Variants in SLC22A15 observed in about 807,000 individuals in gnomAD.
SLC22A15 encodes flipt 1.
SLC22A15 carries 45 observed loss-of-function variants against 62.7 expected under a neutral mutation model. The observed-to-expected ratio is 0.72, with a 90% CI of 0.56 to 0.92. The LOEUF (loss-of-function observed/expected upper bound fraction) is 0.92. SLC22A15 is among the 40% of genes least tolerant of loss of function. The probability of loss-of-function intolerance (pLI) is 0.00; values close to 1 mark genes in which losing one functional copy is unlikely to be tolerated. For missense variants in SLC22A15, 622 were observed against 665.6 expected (o/e 0.93, Z 0.72); for synonymous variants, 264 against 267.0 (o/e 0.99, Z 0.11).
rs1658353309 is a variant in SLC22A15, at chr1:116,060,464, C to T, written c.1172-2298C>T. Among the ~76,000 whole-genome samples the T allele has an allele frequency of 2.0e-5, 3 of 152,158 alleles. No homozygotes were observed. The South Asian group carries it at 6.2e-4, about 32-fold the overall frequency. On this transcript the variant is annotated intron_variant, in intron 8 of 11. Coordinates refer to ENST00000369503, the MANE Select transcript of SLC22A15 (RefSeq NM_018420.3). Reference sequence around the variant, plus strand: ...GGATCTTGTGGGTATTAAGAAGATACACTTTCTGTGACACACCCTTGGAAT... The same window carrying T: ...GGATCTTGTGGGTATTAAGAAGATATACTTTCTGTGACACACCCTTGGAAT...
intron 8 of SLC22A15, among the ~76,000 whole-genome samples, chr1:116,050,711 A>G (rs1658030354): frequency 6.6e-6 from 1 of 152,198 alleles, no homozygotes; most frequent in Non-Finnish European, 1.5e-5. Context: ...TAGTACTGGA[A>G]GTCCTAACCA....
intron 4 of SLC22A15, among the ~76,000 whole-genome samples, chr1:116,022,191 A>T (rs1428351710): frequency 6.6e-6 from 1 of 152,144 alleles, no homozygotes; most frequent in Admixed American, 6.5e-5. Flanking sequence ...TTGCCTTAGG[A>T]TTCACCTTGT....
At position 115,999,642 on chromosome 1, in the gene SLC22A15, T is replaced by C. The variant is rs1213733641; in HGVS notation, c.300+7399T>C. On this transcript the variant is annotated intron_variant, in intron 2 of 11. Transcript: ENST00000369503. ...CCTCAGCCTCCCGAGTAGCTGGGAC[T>C]AAAGGTGTGTGCTACCATGCCCAGC... 1.9e-4 allele frequency among the ~76,000 whole-genome samples: 29 copies of C among 151,902 alleles called. 1 individual carries two copies. Among genetic ancestry groups the C allele is most frequent in the Admixed American group, 1.9e-3 (29 of 15,256 alleles).
chr1:116,031,611 C>T, intron 6 of SLC22A15, 30 bp downstream of exon 6: 1 of 1,609,790 alleles, frequency 6.2e-7, no homozygotes, highest in Non-Finnish European at 8.5e-7. Context: ...TTCTGTTGCT[C>T]TTTAACTAAG....
At chr1:116,013,258 C>T (rs1239638981) in intron 2 of SLC22A15, among the ~76,000 whole-genome samples, 1 of 152,196 alleles carries the variant, frequency 6.6e-6, no homozygotes, top group Non-Finnish European at 1.5e-5. Context: ...CCATAACCCT[C>T]ACTTCATGCT....
intron 8 of SLC22A15, among the ~76,000 whole-genome samples, chr1:116,043,816 T>G (rs1657855261): frequency 6.6e-6 from 1 of 152,168 alleles, no homozygotes; most frequent in African/African-American, 2.4e-5. Context: ...TAAGGGAATA[T>G]TATGAACATT....
chr1:116,044,484 C>T (rs552563198), intron 8 of SLC22A15, among the ~76,000 whole-genome samples: 1 of 152,210 alleles, frequency 6.6e-6, no homozygotes, highest in South Asian at 2.1e-4. Context: ...AGGAGAAAGG[C>T]CAGGATGTCC....
chr1:116,067,213 C>CTCAA lies in SLC22A15; in HGVS notation c.*106_*107insCAAT. The CTCAA allele has an allele frequency of 1.2e-6, 1 of 825,660 alleles. No homozygotes were observed. Among genetic ancestry groups the CTCAA allele is most frequent in the Non-Finnish European group, 2.0e-6 (1 of 501,260 alleles). 51.1% of individuals were successfully genotyped at this position (825,660 alleles called of 1,614,324 possible). ...GAGAGTTGTAAAAATAGAGGCTTGG[C>CTCAA]TTGAATGTACATAGATGGTACCTGG... On this transcript the variant is annotated 3_prime_UTR_variant, in exon 12 of 12. Coordinates refer to ENST00000369503, the MANE Select transcript of SLC22A15 (RefSeq NM_018420.3).
At chr1:116,053,666 T>C (rs1359821914) in intron 8 of SLC22A15, among the ~76,000 whole-genome samples, 1 of 152,156 alleles carries the variant, frequency 6.6e-6, no homozygotes, top group African/African-American at 2.4e-5. Context: ...AAGGTTGGGT[T>C]ACCCACAAAG....
At chr1:116,060,268 A>G (rs1658346335) in intron 8 of SLC22A15, among the ~76,000 whole-genome samples, 1 of 152,220 alleles carries the variant, frequency 6.6e-6, no homozygotes, top group African/African-American at 2.4e-5. Context: ...CCCTGGTTTA[A>G]ATGGCAACTG....
chr1:116,011,629 G>A (rs1236832660), intron 2 of SLC22A15, among the ~76,000 whole-genome samples: 1 of 152,176 alleles, frequency 6.6e-6, no homozygotes, highest in Admixed American at 6.5e-5. Context: ...AGCATCATAG[G>A]GGAGAGACAA....
intron 3 of SLC22A15, 88 bp downstream of exon 3, chr1:116,019,802 G>T: frequency 7.2e-7 from 1 of 1,385,016 alleles, no homozygotes; most frequent in Non-Finnish European, 9.7e-7. Flanking sequence ...ATTTCCTTAA[G>T]GTTCTCCGGG....
chr1:116,034,985 A>AC (rs1657578315), intron 6 of SLC22A15, among the ~76,000 whole-genome samples: 1 of 152,118 alleles, frequency 6.6e-6, no homozygotes, highest in African/African-American at 2.4e-5. Flanking sequence ...TTATTTCCAA[A>AC]CCCCCATAAT....
At chr1:115,987,146 G>T (rs991445278) in intron 1 of SLC22A15, among the ~76,000 whole-genome samples, 1 of 151,902 alleles carries the variant, frequency 6.6e-6, no homozygotes, top group African/African-American at 2.4e-5. Flanking sequence ...GATTGATCTG[G>T]TGTCATAATG....
At chr1:116,014,958 A>AT (rs1475411384) in intron 2 of SLC22A15, among the ~76,000 whole-genome samples, 1 of 152,180 alleles carries the variant, frequency 6.6e-6, no homozygotes, top group Non-Finnish European at 1.5e-5. Context: ...ACGCCAGTAC[A>AT]TTTTCTCAAA....
intron 2 of SLC22A15, among the ~76,000 whole-genome samples, chr1:115,995,879 A>G (rs1195489895): frequency 2.0e-5 from 3 of 152,244 alleles, no homozygotes; most frequent in African/African-American, 7.2e-5. Context: ...GTTGCAAGAA[A>G]TAATACAGAG....
chr1:116,034,157 CATAAAACCTGATG>C (rs1156965428), intron 6 of SLC22A15, among the ~76,000 whole-genome samples: 3 of 152,168 alleles, frequency 2.0e-5, no homozygotes, highest in African/African-American at 7.2e-5. Context: ...GTTGCAAAAG[CATAAAACCTGATG>C]AACTTAACAA....
chr1:116,031,072 AACATATTAAAATTC>A (rs1280683256), intron 5 of SLC22A15, among the ~76,000 whole-genome samples: 2 of 152,160 alleles, frequency 1.3e-5, no homozygotes, highest in African/African-American at 2.4e-5. Flanking sequence ...GTTAATATTT[AACATATTAAAATTC>A]ACATATTAAA....
At chr1:116,035,613 A>G (rs1342451858) in intron 7 of SLC22A15, among the ~76,000 whole-genome samples, 2 of 152,230 alleles carry the variant, frequency 1.3e-5, no homozygotes, top group Non-Finnish European at 2.9e-5. Flanking sequence ...GTTTATGAGT[A>G]GTCTGTATGT....
Sources: allele counts gnomAD v4.1 joint callset (sites outside exome capture counted in the v4.1 genomes callset), GRCh38; gene constraint gnomAD v4.1.1; transcripts MANE v1.5; gene names NCBI Gene and HGNC (gene_info 2026-07-23, HGNC 2026-07-21).